The following RARB variants were observed in gnomAD, a reference collection of about 807,000 sequenced individuals.
RARB encodes retinoic acid receptor beta.
RARB carries 17 observed loss-of-function variants against 51.9 expected under a neutral mutation model. That is an observed-to-expected ratio of 0.33 (90% CI 0.22 to 0.49). RARB has a LOEUF of 0.49. Ranked by LOEUF, RARB falls within the 20% of genes least tolerant of loss-of-function variation. The pLI is 0.99. For missense variants in RARB, 369 were observed against 550.8 expected, an observed-to-expected ratio of 0.67 and a Z score of 3.30; for synonymous variants, 215 against 195.4, an observed-to-expected ratio of 1.10 and a Z score of -0.84.
At chr3:24,880,403 A>C (rs1703136858) in intron 2 of RARB, among the ~76,000 whole-genome samples, 1 of 152,182 alleles carries the variant, frequency 6.6e-6, no homozygotes, top group Admixed American at 6.5e-5. Flanking sequence ...AGATAAAAGA[A>C]GATAAAGCCT....
chr3:25,365,367 C>T (rs985769581), intron 5 of RARB, among the ~76,000 whole-genome samples: 4 of 151,850 alleles, frequency 2.6e-5, no homozygotes, highest in Non-Finnish European at 5.9e-5. Flanking sequence ...CTGCCTCGGC[C>T]TCTCAAAGTA....
chr3:24,857,340 C>T (rs1702654410), intron 1 of RARB, among the ~76,000 whole-genome samples: 1 of 152,186 alleles, frequency 6.6e-6, no homozygotes, highest in African/African-American at 2.4e-5. Context: ...GCTCACTAAA[C>T]TTTTCCTCCA....
chr3:24,856,936 T>C (rs922048815), intron 1 of RARB, among the ~76,000 whole-genome samples: 8 of 152,166 alleles, frequency 5.3e-5, no homozygotes, highest in Non-Finnish European at 1.2e-4. Flanking sequence ...GAGCTTTCAA[T>C]TGATTTATTT....
intron 5 of RARB, among the ~76,000 whole-genome samples, chr3:25,588,601 T>C (rs1428472973): frequency 6.6e-6 from 1 of 152,180 alleles, no homozygotes; most frequent in Non-Finnish European, 1.5e-5. Flanking sequence ...AGGAATCTGG[T>C]ACTGACTTCA....
chr3:25,398,218 A>C (rs936404295), intron 5 of RARB, among the ~76,000 whole-genome samples: 4 of 152,184 alleles, frequency 2.6e-5, no homozygotes, highest in African/African-American at 9.7e-5. Context: ...AGAACATAAA[A>C]AAAATGAGAC....
chr3:24,842,229 C>T (rs1218906382), intron 1 of RARB, among the ~76,000 whole-genome samples: 1 of 152,070 alleles, frequency 6.6e-6, no homozygotes, highest in Non-Finnish European at 1.5e-5. Context: ...GATTCATTGT[C>T]TTTAGATATA....
At chr3:25,578,730 A>G (rs943781088) in intron 4 of RARB, among the ~76,000 whole-genome samples, 3 of 152,256 alleles carry the variant, frequency 2.0e-5, no homozygotes, top group African/African-American at 7.2e-5. Flanking sequence ...GTGGAAGGCA[A>G]AGTTGACCAC....
intron 2 of RARB, among the ~76,000 whole-genome samples, chr3:24,923,147 C>T (rs1056759518): frequency 6.6e-6 from 1 of 152,092 alleles, no homozygotes; most frequent in Non-Finnish European, 1.5e-5. Flanking sequence ...ATTATTTTTC[C>T]AGCTGGGAAA....
intron 3 of RARB, among the ~76,000 whole-genome samples, chr3:25,095,603 T>A (rs975346478): frequency 6.6e-6 from 1 of 152,154 alleles, no homozygotes. Flanking sequence ...TAAACTCAAA[T>A]GACAGTACAA....
At chr3:25,094,378 C>T (rs1699255415) in intron 3 of RARB, among the ~76,000 whole-genome samples, 1 of 152,104 alleles carries the variant, frequency 6.6e-6, no homozygotes, top group South Asian at 2.1e-4. Context: ...CAAAAATTCT[C>T]TGGAGGAACC....
intron 2 of RARB, among the ~76,000 whole-genome samples, chr3:24,955,283 T>C (rs1695987457): frequency 1.3e-5 from 2 of 152,312 alleles, no homozygotes; most frequent in East Asian, 3.9e-4. Context: ...CTGTCTGTAG[T>C]CTCCAACACT....
chr3:25,244,842 G>T (rs1702519013), intron 5 of RARB, among the ~76,000 whole-genome samples: 1 of 152,154 alleles, frequency 6.6e-6, no homozygotes, highest in African/African-American at 2.4e-5. Flanking sequence ...TTGGTCCAGA[G>T]CTGAGTTCAA....
At chr3:24,971,315 C>G (rs1360676020) in intron 2 of RARB, among the ~76,000 whole-genome samples, 3 of 151,838 alleles carry the variant, frequency 2.0e-5, no homozygotes, top group Non-Finnish European at 4.4e-5. Context: ...TTTACTTTTT[C>G]CTTGATGTTT....
At chr3:25,594,479 T>C (rs371956068) in intron 6 of RARB, 41 bp from the exon 7 acceptor site, 196 of 1,552,704 alleles carry the variant, frequency 1.3e-4, no homozygotes, top group Non-Finnish European at 1.5e-4. Flanking sequence ...GAAAAGGGCA[T>C]AAATCCTGAT....
intron 2 of RARB, among the ~76,000 whole-genome samples, chr3:25,017,219 C>CG (rs1045686254): frequency 2.0e-5 from 3 of 148,548 alleles, no homozygotes; most frequent in African/African-American, 7.7e-5. Context: ...CTTTCCCCCC[C>CG]CCTTTCAGAA....
intron 4 of RARB, among the ~76,000 whole-genome samples, chr3:25,137,572 T>A (rs1241214539): frequency 6.6e-6 from 1 of 152,122 alleles, no homozygotes; most frequent in African/African-American, 2.4e-5. Flanking sequence ...TCCACATAGA[T>A]GTTAAAGTTT....
chr3:25,549,303 G>A (rs1699744795), intron 3 of RARB, among the ~76,000 whole-genome samples: 1 of 152,114 alleles, frequency 6.6e-6, no homozygotes, highest in Admixed American at 6.6e-5. Flanking sequence ...ATCAATCCTA[G>A]ATGAACCTGG....
In RARB at chr3:24,946,097, C is replaced by T. The variant is rs149464966; in HGVS notation, c.-380+87345C>T. ...TGGCTAACACGGTGAAACCCTGTCT[C>T]TACTAAAAATACAGAAAATCAGCCA... On this transcript the variant is annotated intron_variant, in intron 2 of 11. Transcript: ENST00000383772. Among the ~76,000 whole-genome samples, 202 of 152,028 alleles carry T rather than the reference C, an allele frequency of 1.3e-3. 1 individual carries two copies. Among genetic ancestry groups the T allele is most frequent in the African/African-American group, 4.3e-3 (178 of 41,486 alleles).
At chr3:25,119,127 G>C (rs1699737920) in intron 3 of RARB, among the ~76,000 whole-genome samples, 1 of 152,014 alleles carries the variant, frequency 6.6e-6, no homozygotes, top group African/African-American at 2.4e-5. Flanking sequence ...AGGAAGATGG[G>C]TAGTTCTGGA....
Sources: allele counts gnomAD v4.1 joint callset (sites outside exome capture counted in the v4.1 genomes callset), GRCh38; gene constraint gnomAD v4.1.1; transcripts MANE v1.5; gene names NCBI Gene and HGNC (gene_info 2026-07-23, HGNC 2026-07-21).